Variants in LYPLAL1 observed in about 807,000 individuals in gnomAD.
LYPLAL1 encodes the protein lysophospholipase-like protein 1.
LYPLAL1 carries 23 observed loss-of-function variants against 19.7 expected under a neutral mutation model. The observed-to-expected ratio is 1.17, with a 90% confidence interval of 0.84 to 1.65. The LOEUF (loss-of-function observed/expected upper bound fraction) is 1.65. Ranked by LOEUF, LYPLAL1 falls within the 40% of genes most tolerant of loss-of-function variation. The probability of loss-of-function intolerance (pLI) is 0.00; values close to 1 mark genes in which losing one functional copy is unlikely to be tolerated. For missense variants in LYPLAL1, 355 were observed against 279.4 expected (o/e 1.27, Z -1.93); for synonymous variants, 119 against 96.3 (o/e 1.24, Z -1.38).
At chr1:219,342,501 C>T in the LYPLAL1 span, among the ~76,000 whole-genome samples, 4 of 152,106 alleles carry the variant, frequency 2.6e-5, no homozygotes, top group South Asian at 8.3e-4. Context: ...TTGTTATGAG[C>T]AACAAACTCC....
intron 1 of LYPLAL1, 149 bp downstream of exon 1, chr1:219,174,130 C>T (rs1655604029): frequency 8.2e-6 from 12 of 1,455,932 alleles, no homozygotes; most frequent in Non-Finnish European, 1.1e-5. Context: ...TGTAGATGCA[C>T]GGGCAGCGCC....
chr1:219,314,363 T>C, the LYPLAL1 span, among the ~76,000 whole-genome samples: 1 of 152,276 alleles, frequency 6.6e-6, no homozygotes, highest in African/African-American at 2.4e-5. Context: ...CTGTATCAAA[T>C]GGTAATTCTG....
chr1:219,373,095 G>C, the LYPLAL1 span, among the ~76,000 whole-genome samples: 5 of 152,110 alleles, frequency 3.3e-5, no homozygotes, highest in Non-Finnish European at 7.4e-5. Context: ...CATGCTGGTG[G>C]CTGAAAAAAA....
the LYPLAL1 span, among the ~76,000 whole-genome samples, chr1:219,391,137 T>C: frequency 6.6e-6 from 1 of 152,234 alleles, no homozygotes; most frequent in African/African-American, 2.4e-5. Context: ...CTTTATTTCT[T>C]CCTTTCCAAA....
chr1:219,359,845 A>G, the LYPLAL1 span, among the ~76,000 whole-genome samples: 3 of 152,328 alleles, frequency 2.0e-5, no homozygotes, highest in Admixed American at 2.0e-4. Context: ...TTTACACACA[A>G]CACATAAAAA....
At chr1:219,422,047 C>T in the LYPLAL1 span, among the ~76,000 whole-genome samples, 8 of 152,160 alleles carry the variant, frequency 5.3e-5, no homozygotes, top group Admixed American at 3.3e-4. Context: ...TTAACACAAC[C>T]TACGCTGGTT....
At chr1:219,288,610 G>A in the LYPLAL1 span, among the ~76,000 whole-genome samples, 1 of 152,094 alleles carries the variant, frequency 6.6e-6, no homozygotes, top group Non-Finnish European at 1.5e-5. Context: ...TAAACCCATA[G>A]GATATACAAC....
the LYPLAL1 span, among the ~76,000 whole-genome samples, chr1:219,363,890 AC>A: frequency 6.6e-6 from 1 of 152,134 alleles, no homozygotes; most frequent in African/African-American, 2.4e-5. Flanking sequence ...ACTGAAGCAA[AC>A]TCATCATGGT....
chr1:219,423,312 T>C, the LYPLAL1 span, among the ~76,000 whole-genome samples: 52 of 152,144 alleles, frequency 3.4e-4, no homozygotes, highest in African/African-American at 1.2e-3. Context: ...ATTTTGGTCT[T>C]CAGCCCATCA....
At chr1:219,293,249 A>AATATTTT in the LYPLAL1 span, among the ~76,000 whole-genome samples, 1 of 152,116 alleles carries the variant, frequency 6.6e-6, no homozygotes, top group Admixed American at 6.6e-5. Flanking sequence ...TCCGCAAACC[A>AATATTTT]TACAGAGCTG....
At chr1:219,370,137 T>G in the LYPLAL1 span, among the ~76,000 whole-genome samples, 18 of 152,306 alleles carry the variant, frequency 1.2e-4, 2 homozygotes, top group South Asian at 3.7e-3. Flanking sequence ...CTAAGCACAT[T>G]GTACACAGCA....
chr1:219,238,366 T>C, the LYPLAL1 span, among the ~76,000 whole-genome samples: 4 of 143,074 alleles, frequency 2.8e-5, no homozygotes, highest in Admixed American at 1.4e-4. Context: ...TTAGCCAGAA[T>C]GGTCTCTATC....
chr1:219,364,151 T>C, the LYPLAL1 span, among the ~76,000 whole-genome samples: 2 of 152,246 alleles, frequency 1.3e-5, no homozygotes, highest in Admixed American at 1.3e-4. Flanking sequence ...ACAGGCTGAA[T>C]ATGGTGCATG....
At chr1:219,273,030 C>T in the LYPLAL1 span, 1 of 152,126 alleles carries the variant, frequency 6.6e-6, no homozygotes, top group Admixed American at 6.5e-5. Flanking sequence ...AAAGAACCAA[C>T]AGAGAATATG....
At chr1:219,334,878 C>T in the LYPLAL1 span, among the ~76,000 whole-genome samples, 5 of 151,852 alleles carry the variant, frequency 3.3e-5, no homozygotes, top group African/African-American at 1.2e-4. Context: ...TTCTTGGTAA[C>T]ATGGAAGGCA....
chr1:219,318,906 G>A, the LYPLAL1 span, among the ~76,000 whole-genome samples: 1 of 152,310 alleles, frequency 6.6e-6, no homozygotes, highest in Non-Finnish European at 1.5e-5. Context: ...TCCACTGCCG[G>A]TAAGAAACCC....
At chr1:219,194,577 T>C (rs761082629) in intron 3 of LYPLAL1, among the ~76,000 whole-genome samples, 2 of 152,056 alleles carry the variant, frequency 1.3e-5, no homozygotes, top group Non-Finnish European at 2.9e-5. Context: ...ATGAGTGCTC[T>C]AATGTGGTAT....
downstream of LYPLAL1, among the ~76,000 whole-genome samples, chr1:219,213,551 A>G (rs80328949): frequency 6.6e-6 from 1 of 152,016 alleles, no homozygotes; most frequent in East Asian, 1.9e-4. Context: ...ATCCACAAAC[A>G]TGATATGTTA....
the LYPLAL1 span, among the ~76,000 whole-genome samples, chr1:219,336,406 T>C: frequency 6.6e-6 from 1 of 151,920 alleles, no homozygotes; most frequent in Admixed American, 6.6e-5. Context: ...TATTTTATTG[T>C]GTTATGTGAG....
Sources: allele counts gnomAD v4.1 joint callset (sites outside exome capture counted in the v4.1 genomes callset), GRCh38; gene constraint gnomAD v4.1.1; transcripts MANE v1.5; gene names NCBI Gene and HGNC (gene_info 2026-07-23, HGNC 2026-07-21).